Variants in MPRIP observed in about 807,000 individuals in gnomAD.
MPRIP encodes the protein myosin phosphatase Rho interacting protein.
A neutral mutation model predicts 234.9 loss-of-function variants in MPRIP; 59 were observed. The observed-to-expected ratio is 0.25, with a 90% CI of 0.20 to 0.31. The LOEUF (loss-of-function observed/expected upper bound fraction) is 0.31. MPRIP is among the 10% of genes least tolerant of loss of function. The probability of loss-of-function intolerance (pLI) is 1.00; values close to 1 mark genes in which losing one functional copy is unlikely to be tolerated. For synonymous variants in MPRIP, 1,144 were observed against 1,263.9 expected, an observed-to-expected ratio of 0.91 and a Z score of 2.01; for missense variants, 2,436 against 3,071.0, an observed-to-expected ratio of 0.79 and a Z score of 4.89.
chr17:17,134,268 T>G (rs1476601095), intron 5 of MPRIP, among the ~76,000 whole-genome samples: 3 of 152,190 alleles, frequency 2.0e-5, no homozygotes, highest in Non-Finnish European at 4.4e-5. Context: ...CAAGCAAGGC[T>G]CTAGAGCAAC....
chr17:17,108,751 G>A (rs1203754726), intron 3 of MPRIP, among the ~76,000 whole-genome samples: 1 of 152,200 alleles, frequency 6.6e-6, no homozygotes, highest in Non-Finnish European at 1.5e-5. Flanking sequence ...CAGCTGCATT[G>A]CTTTCAGTCT....
chr17:17,113,902 T>TTTTTTTTTTC (rs2090226611), intron 3 of MPRIP, among the ~76,000 whole-genome samples: 1 of 147,342 alleles, frequency 6.8e-6, no homozygotes, highest in Non-Finnish European at 1.5e-5. Context: ...TTTTTTTTTT[T>TTTTTTTTTTC]TTACTTAAGA....
At chr17:17,065,077 C>T (rs1390324820) in intron 1 of MPRIP, among the ~76,000 whole-genome samples, 1 of 152,024 alleles carries the variant, frequency 6.6e-6, no homozygotes, top group Admixed American at 6.6e-5. Flanking sequence ...TGCTATTTAT[C>T]TTCTGTAGAA....
Position 17,114,644 on chromosome 17 carries a change from AG to A in MPRIP, c.268-12053del, listed in dbSNP as rs572312657. Among the ~76,000 whole-genome samples, 306 of 152,302 alleles carry A rather than the reference AG, an allele frequency of 2.0e-3. 2 individuals carry two copies. Among genetic ancestry groups the A allele is most frequent in the Non-Finnish European group, 2.9e-3 (200 of 68,012 alleles). On this transcript the variant is annotated intron_variant, in intron 3 of 23. Transcript: ENST00000651222. ...TGCTAGCTGACCATTGTGGTGGGTG[AG>A]GGGGATGAAAAGCTGTTCTTCCCCA... is the stretch of plus-strand genomic sequence containing the variant.
In MPRIP at chr17:17,164,577, C is replaced by T. The variant is rs570857049; in HGVS notation, c.2986C>T (p.Arg996Cys). The T allele has an allele frequency of 1.8e-5, 22 of 1,210,756 alleles. No homozygotes were observed. The highest frequency in any genetic ancestry group is 2.0e-5 in the Non-Finnish European group (19 of 946,860). The allele number at this position is 1,210,756 out of a possible 1,614,324, so 75.0% of individuals were successfully genotyped here. A position where few individuals can be genotyped will look rare whatever the true frequency, so the allele number is the denominator to read the frequency against. The stretch of plus-strand genomic sequence containing the variant: ...GAAGGAGGTCCAGAGGCTGCAGGAG[C>T]GCATTGCCGACCTCAGCCAGCAACT... ...RQKEVQRLQE[R>C]IADLSQQLGA... is the part of the protein sequence containing the mutation. Residue 996 changes from arginine (R) to cysteine (C), a missense_variant, in exon 16 of 24, where the codon CGC (arginine) becomes TGC (cysteine). Physicochemically the swap from Arg to Cys is radical, Grantham distance 180. Around this residue, in one of 4 missense-constraint regions of MPRIP, gnomAD observed 1,998 missense variants for 2,520.3 expected, o/e 0.79. Coordinates refer to ENST00000651222, the MANE Select transcript of MPRIP (RefSeq NM_001364716.4).
intron 17 of MPRIP, 83 bp downstream of exon 17, chr17:17,171,948 C>T: frequency 7.0e-7 from 1 of 1,432,520 alleles, no homozygotes; most frequent in Non-Finnish European, 9.4e-7. Context: ...GAATGGCAGC[C>T]TTTAAATTGC....
chr17:17,161,742 A>G (rs541178855), intron 15 of MPRIP, among the ~76,000 whole-genome samples: 2 of 152,354 alleles, frequency 1.3e-5, no homozygotes, highest in South Asian at 2.1e-4. Flanking sequence ...TACAGATTGA[A>G]GACATTGAAT....
At chr17:17,087,911 G>C (rs1003250681) in intron 3 of MPRIP, among the ~76,000 whole-genome samples, 12 of 152,224 alleles carry the variant, frequency 7.9e-5, no homozygotes, top group African/African-American at 2.9e-4. Flanking sequence ...CATCAGGACT[G>C]TCCCGTGCGC....
At chr17:17,073,098 C>T (rs982249996) in intron 1 of MPRIP, among the ~76,000 whole-genome samples, 3 of 152,168 alleles carry the variant, frequency 2.0e-5, no homozygotes, top group African/African-American at 7.2e-5. Flanking sequence ...CAACCCCTTC[C>T]GCCGTCCCAG....
rs144170910 is a variant in MPRIP at position 17,150,176 on chromosome 17, C to T, written c.1662C>T (p.Ser554=). The T allele has an allele frequency of 7.5e-5, 121 of 1,613,588 alleles. No individual in the cohort carries two copies. The highest frequency in any genetic ancestry group is 9.2e-5 in the Non-Finnish European group (109 of 1,179,846). ...ACTTGGATGGAGAAATTGACTTGTC[C>T]GCATGTTACGATGTCACAGAGTATC... The part of the protein sequence containing the change: ...AADLDGEIDL[S]ACYDVTEYPV... Residue 554 remains serine (S), a synonymous_variant, in exon 12 of 24, where the codon TCC becomes TCT. Transcript: ENST00000651222.
chr17:17,143,417 T>A, intron 8 of MPRIP, 139 bp from the exon 9 acceptor site: 1 of 506,412 alleles, frequency 2.0e-6, no homozygotes, highest in East Asian at 3.5e-5. Flanking sequence ...GCAGACTTGC[T>A]ATGGTGGCTA....
chr17:17,086,287 C>A (rs1287420683), intron 3 of MPRIP, among the ~76,000 whole-genome samples: 1 of 152,168 alleles, frequency 6.6e-6, no homozygotes, highest in Non-Finnish European at 1.5e-5. Context: ...TGAGAAGGTT[C>A]TTCCAGGGTG....
Position 17,165,460 on chromosome 17 carries a change from T to C in MPRIP, c.3869T>C (p.Val1290Ala). 7.7e-7 allele frequency: 1 copy of C among 1,304,080 alleles called. No individual in the cohort carries two copies. The highest frequency in any genetic ancestry group is 1.0e-6 in the Non-Finnish European group (1 of 988,916). The allele number at this position is 1,304,080 out of a possible 1,614,324, so 80.8% of individuals were successfully genotyped here. ...DGSPSREDSMVPPKSVEVLDR... is the reference protein window; with the variant it reads ...DGSPSREDSMAPPKSVEVLDR... ...AGCCCCAGTAGGGAAGACAGCATGG[T>C]GCCCCCAAAGTCAGTGGAAGTGCTT... The change falls in exon 16 of 24, where the codon GTG (valine) becomes GCG (alanine). Residue 1290 changes from valine to alanine, a missense_variant. Around this residue, in one of 4 missense-constraint regions of MPRIP, gnomAD observed 1,998 missense variants for 2,520.3 expected, o/e 0.79. Transcript: ENST00000651222.
intron 3 of MPRIP, among the ~76,000 whole-genome samples, chr17:17,113,892 T>TC (rs1490719597): frequency 9.7e-5 from 14 of 144,190 alleles, no homozygotes; most frequent in Non-Finnish European, 1.5e-4. Context: ...TTTCTTTTTT[T>TC]TTTTTTTTTT....
rs1445881479 is a variant in MPRIP, at chr17:17,165,734, C to T, written c.4143C>T (p.Ser1381=). The T allele has an allele frequency of 6.9e-6, 9 of 1,304,848 alleles. No individual in the cohort carries two copies. Among genetic ancestry groups the T allele is most frequent in the Non-Finnish European group, 9.1e-6 (9 of 989,000 alleles). The allele number at this position is 1,304,848 out of a possible 1,614,324, so 80.8% of individuals were successfully genotyped here. A position where few individuals can be genotyped will look rare whatever the true frequency, so the allele number is the denominator to read the frequency against. Residue 1381 remains serine (S), a synonymous_variant, in exon 16 of 24, where the codon TCC becomes TCT. Transcript: ENST00000651222. ...PATGDSDTYL[S]IIHSLETKLY... is the part of the protein sequence containing the mutation. ...CTGGCGACTCTGACACGTACCTCTC[C>T]ATCATCCACTCCCTGGAGACCAAGC... is the stretch of plus-strand genomic sequence containing the variant.
chr17:17,176,346 T>G, intron 20 of MPRIP, 80 bp from the exon 21 acceptor site: 1 of 1,084,494 alleles, frequency 9.2e-7, no homozygotes, highest in Non-Finnish European at 1.4e-6. Context: ...GAGAGCCCTC[T>G]GCACGCTTCA....
At position 17,171,813 on chromosome 17, in the gene MPRIP, T is replaced by C. The variant is rs778562943; in HGVS notation, c.6420T>C (p.Leu2140=). 1.5e-5 allele frequency: 24 copies of C among 1,613,450 alleles called. No individual in the cohort carries two copies. Among genetic ancestry groups the C allele is most frequent in the Non-Finnish European group, 2.0e-5 (24 of 1,179,988 alleles). ...AGCACCAGCGGGAGCTAGAGAAACT[T>C]CGAGAAGAGAAAGACCGCCTCCTAG... ...QRQHQRELEK[L]REEKDRLLAE... is the part of the protein sequence containing the mutation. Residue 2140 remains leucine (L), a synonymous_variant, in exon 17 of 24, where the codon CTT becomes CTC. Coordinates refer to ENST00000651222, the MANE Select transcript of MPRIP (RefSeq NM_001364716.4).
At chr17:17,100,066 AGGTCCTTTGGT>A (rs1567714234) in intron 3 of MPRIP, among the ~76,000 whole-genome samples, 1 of 152,080 alleles carries the variant, frequency 6.6e-6, no homozygotes, top group Non-Finnish European at 1.5e-5. Context: ...CACCTTTTGG[AGGTCCTTTGGT>A]GGCTCTGACC....
intron 1 of MPRIP, among the ~76,000 whole-genome samples, chr17:17,049,955 G>C (rs530717323): frequency 1.3e-5 from 2 of 152,196 alleles, no homozygotes; most frequent in Admixed American, 6.5e-5. Context: ...TTGGGAGGCC[G>C]AGACGGGCGG....
Sources: gnomAD v4.1 joint callset for allele counts (sites outside exome capture counted in the v4.1 genomes callset) on GRCh38, gnomAD v4.1.1 for gene constraint, gnomAD v4.1.1 regional missense constraint, MANE v1.5 for transcripts, NCBI Gene and HGNC (gene_info 2026-07-23, HGNC 2026-07-21) for gene names.